PER3: variants seen among roughly 807,000 people sequenced by gnomAD.
PER3 encodes the protein period circadian regulator 3.
In PER3, 107 loss-of-function variants were observed where a neutral mutation model predicts 127.2. That is an observed-to-expected ratio of 0.84 (90% CI 0.72 to 0.99). PER3 has a LOEUF of 0.99. PER3 is among the 50% of genes least tolerant of loss of function. The pLI, the probability that PER3 is intolerant of heterozygous loss-of-function variation, is 0.00. For synonymous variants in PER3, 618 were observed against 585.8 expected (o/e 1.05, Z -0.79); for missense variants, 1,560 against 1,525.8 (o/e 1.02, Z -0.37).
intron 4 of PER3, 24 bp downstream of exon 4, chr1:7,786,860 T>A: frequency 7.2e-7 from 1 of 1,379,816 alleles, no homozygotes; most frequent in Non-Finnish European, 1.0e-6. Context: ...CATTTTGCCA[T>A]ATCAACCTGG....
intron 18 of PER3, among the ~76,000 whole-genome samples, chr1:7,829,622 AAGAC>A (rs1438384409): frequency 3.9e-5 from 6 of 152,232 alleles, no homozygotes; most frequent in African/African-American, 1.4e-4. Context: ...TGGAAGCAAT[AAGAC>A]AGCTCAAAAT....
At chr1:7,788,273 A>C (rs187039908) in intron 5 of PER3, 27 bp downstream of exon 5, 3 of 1,444,992 alleles carry the variant, frequency 2.1e-6, no homozygotes, top group Non-Finnish European at 1.9e-6. Flanking sequence ...TCAGATGTCT[A>C]TCTTTCCTCA....
intron 16 of PER3, among the ~76,000 whole-genome samples, chr1:7,825,043 T>A (rs1251239595): frequency 1.6e-5 from 2 of 123,788 alleles, no homozygotes; most frequent in Non-Finnish European, 3.8e-5. Context: ...ATATTTTGGC[T>A]TTTTTTTTTT....
Position 7,803,728 on chromosome 1 carries a change from C to G in PER3, c.1016C>G (p.Ser339Cys). 7 of 1,608,434 alleles carry G rather than the reference C, an allele frequency of 4.4e-6. No individual in the cohort carries two copies. The highest frequency in any genetic ancestry group is 6.0e-6 in the Non-Finnish European group (7 of 1,175,040). The change falls in exon 10 of 22, where the codon TCT becomes TGT. Residue 339 changes from serine to cysteine, a missense_variant. Physicochemically the swap from Ser to Cys is moderately radical, Grantham distance 112. This residue lies in a region of PER3 where 1,332 missense variants were observed against 1,223.6 expected (regional missense o/e 1.09). Coordinates refer to ENST00000377532, the MANE Select transcript of PER3 (RefSeq NM_001377275.1). ...GCAGGGCATCCTCCCTTTGAACATT[C>G]TCCCATTCGATTTTGTACTCAAAAC... ...KYAGHPPFEH[S>C]PIRFCTQNGD...
At chr1:7,836,221 C>G (rs2097357770) in intron 20 of PER3, among the ~76,000 whole-genome samples, 1 of 152,048 alleles carries the variant, frequency 6.6e-6, no homozygotes. Context: ...ACTCTGTCGC[C>G]CAGGCTGGAG....
rs2097399445 is a variant in PER3, at chr1:7,843,264, C to G, written c.*509C>G. ...CCCTCCATAATTAAGATGAAACATT[C>G]CGGTTTTCTCACAACACATTAGCAC... On this transcript the variant is annotated 3_prime_UTR_variant, in exon 22 of 22. Coordinates refer to ENST00000377532, the MANE Select transcript of PER3 (RefSeq NM_001377275.1). 6.5e-6 allele frequency: 1 copy of G among 152,984 alleles called. No individual in the cohort carries two copies. Among genetic ancestry groups the G allele is most frequent in the South Asian group, 2.1e-4 (1 of 4,846 alleles). 9.5% of individuals were successfully genotyped at this position (152,984 alleles called of 1,614,324 possible). A position where few individuals can be genotyped will look rare whatever the true frequency, so the allele number is the denominator to read the frequency against.
intron 21 of PER3, among the ~76,000 whole-genome samples, chr1:7,841,026 G>T (rs989558378): frequency 4.6e-5 from 7 of 152,184 alleles, no homozygotes; most frequent in Non-Finnish European, 8.8e-5. Flanking sequence ...TATACCAAGG[G>T]TGTCCAATCT....
chr1:7,804,660 A>G (rs1046937528), intron 10 of PER3, among the ~76,000 whole-genome samples: 3 of 150,440 alleles, frequency 2.0e-5, no homozygotes, highest in African/African-American at 7.3e-5. Context: ...TCAGCCTCCC[A>G]GAGTGCTGGA....
intron 16 of PER3, among the ~76,000 whole-genome samples, chr1:7,823,248 T>C (rs1042550232): frequency 6.6e-6 from 1 of 152,198 alleles, no homozygotes; most frequent in East Asian, 1.9e-4. Context: ...TATTAATATA[T>C]GTAAAATAGA....
At chr1:7,841,218 T>C (rs2097386153) in intron 21 of PER3, among the ~76,000 whole-genome samples, 1 of 152,116 alleles carries the variant, frequency 6.6e-6, no homozygotes, top group Admixed American at 6.5e-5. Context: ...GGGCCGCATG[T>C]GGCCCATGGG....
chr1:7,793,191 C>T (rs1044322086), intron 5 of PER3, among the ~76,000 whole-genome samples: 2 of 152,144 alleles, frequency 1.3e-5, no homozygotes, highest in Non-Finnish European at 2.9e-5. Flanking sequence ...TTTCAGTGAA[C>T]AAATGCCCAA....
chr1:7,814,525 C>T (rs1385322347), intron 13 of PER3, among the ~76,000 whole-genome samples: 1 of 152,032 alleles, frequency 6.6e-6, no homozygotes, highest in African/African-American at 2.4e-5. Flanking sequence ...TAAAGATTTT[C>T]TCAAAAATCA....
At chr1:7,838,667 T>G (rs2097369465) in intron 21 of PER3, among the ~76,000 whole-genome samples, 1 of 152,226 alleles carries the variant, frequency 6.6e-6, no homozygotes, top group Admixed American at 6.5e-5. Flanking sequence ...CTCAAAGTGC[T>G]GGGATTACAG....
rs35962033 is a variant in PER3, at chr1:7,812,624, C to CAAAA, written c.1522+2058_1522+2061dup. On this transcript the variant is annotated intron_variant, in intron 13 of 21. Transcript: ENST00000377532. ...TGGGCAACAGAGCAAGACTCCGTCTCAAAAAAAAAAAAAAAAAAAAAAAAA... is the reference window on the plus strand; with the variant it reads ...TGGGCAACAGAGCAAGACTCCGTCTCAAAAAAAAAAAAAAAAAAAAAAAAAAAAA... Among the ~76,000 whole-genome samples the CAAAA allele has an allele frequency of 7.3e-3, 620 of 85,358 alleles. 18 individuals are homozygous for CAAAA. Among genetic ancestry groups the CAAAA allele is most frequent in the East Asian group, 0.022 (59 of 2,700 alleles). 56.0% of individuals were successfully genotyped at this position (85,358 alleles called of 152,430 possible).
chr1:7,801,081 CT>C lies in PER3; in HGVS notation c.794-29del, dbSNP rs1342312893. On this transcript the variant is annotated intron_variant, in intron 7 of 21. Coordinates refer to ENST00000377532, the MANE Select transcript of PER3 (RefSeq NM_001377275.1). ...GGTGGATAATTAATTAGATATTTGC[CT>C]TTAAATGGGTCTTTGTTTTTTTTTC... 3.7e-6 allele frequency: 5 copies of C among 1,333,514 alleles called. No homozygotes were observed. The East Asian group carries it at 1.2e-4, about 31-fold the overall frequency. 82.6% of individuals were successfully genotyped at this position (1,333,514 alleles called of 1,614,324 possible).
intron 5 of PER3, among the ~76,000 whole-genome samples, chr1:7,791,483 T>C (rs2097120878): frequency 6.6e-6 from 1 of 152,220 alleles, no homozygotes; most frequent in Non-Finnish European, 1.5e-5. Flanking sequence ...ATTTTTTCTC[T>C]CGTAGGCCTC....
chr1:7,813,867 A>G (rs931631505), intron 13 of PER3, among the ~76,000 whole-genome samples: 2 of 152,220 alleles, frequency 1.3e-5, no homozygotes. Context: ...AACAAGACTC[A>G]GAGAGGACAC....
rs762768979 is a variant in PER3, at chr1:7,827,373, C to A, written c.2444C>A (p.Ala815Glu). 6.2e-7 allele frequency: 1 copy of A among 1,614,120 alleles called. No individual in the cohort carries two copies. The highest frequency in any genetic ancestry group is 2.2e-5 in the East Asian group (1 of 44,878). Residue 815 changes from alanine (A) to glutamate (E), a missense_variant, in exon 18 of 22, where the codon GCG becomes GAG. This residue lies in a region of PER3 where 1,332 missense variants were observed against 1,223.6 expected (regional missense o/e 1.09). Transcript: ENST00000377532. ...GTCCCAGCTTTTCCCCTCCCAGCCGCGACCTCACCCGGAAGAGAATACGCA... is the reference window on the plus strand; with the variant it reads ...GTCCCAGCTTTTCCCCTCCCAGCCGAGACCTCACCCGGAAGAGAATACGCA... ...YLVPAFPLPA[A>E]TSPGREYAAP... is the part of the protein sequence containing the mutation.
chr1:7,788,332 AT>A, intron 5 of PER3, 86 bp downstream of exon 5: 1 of 923,048 alleles, frequency 1.1e-6, no homozygotes, highest in Non-Finnish European at 1.7e-6. Context: ...TTAACATATT[AT>A]TTAGAACATG....
Sources: gnomAD v4.1 joint callset for allele counts (sites outside exome capture counted in the v4.1 genomes callset) on GRCh38, gnomAD v4.1.1 for gene constraint, gnomAD v4.1.1 regional missense constraint, MANE v1.5 for transcripts, NCBI Gene and HGNC (gene_info 2026-07-23, HGNC 2026-07-21) for gene names.